ANXA8: variants seen among roughly 807,000 people sequenced by gnomAD.
ANXA8 encodes annexin A8, also known as VAC-beta.
ANXA8 carries 9 observed loss-of-function variants against 26.8 expected under a neutral mutation model. The ratio of observed to expected loss-of-function variants is 0.34; its 90% CI spans 0.20 to 0.59. The LOEUF (loss-of-function observed/expected upper bound fraction) is 0.59. Ranked by LOEUF, ANXA8 falls within the 20% of genes least tolerant of loss-of-function variation. The probability of loss-of-function intolerance (pLI) is 0.84; values close to 1 mark genes in which losing one functional copy is unlikely to be tolerated. For missense variants in ANXA8, 83 were observed against 238.5 expected (o/e 0.35, Z 4.29); for synonymous variants, 39 against 94.8 (o/e 0.41, Z 3.42).
At chr10:47,631,701 C>G in the ANXA8 span, among the ~76,000 whole-genome samples, 5 of 146,842 alleles carry the variant, frequency 3.4e-5, no homozygotes, top group African/African-American at 1.4e-4. Flanking sequence ...TGAATTGATA[C>G]TGATCTTAGT....
chr10:47,766,110 C>T, the ANXA8 span, among the ~76,000 whole-genome samples: 3 of 143,096 alleles, frequency 2.1e-5, no homozygotes, highest in Non-Finnish European at 3.0e-5. Flanking sequence ...TCCATGAAGG[C>T]AGGGGGCCGT....
At chr10:47,585,263 C>CAAAAAAA in the ANXA8 span, among the ~76,000 whole-genome samples, 20 of 43,594 alleles carry the variant, frequency 4.6e-4, no homozygotes, top group African/African-American at 7.9e-4. Context: ...GACTCCATCT[C>CAAAAAAA]AAAAAAAAAA....
At chr10:47,665,169 T>TAA in the ANXA8 span, among the ~76,000 whole-genome samples, 25 of 147,332 alleles carry the variant, frequency 1.7e-4, no homozygotes, top group African/African-American at 6.6e-4. Context: ...AACTGCAAAT[T>TAA]AAAAAAAAAA....
chr10:47,498,305 A>G, the ANXA8 span, among the ~76,000 whole-genome samples: 1 of 147,012 alleles, frequency 6.8e-6, no homozygotes. Context: ...CTCAATGTTC[A>G]TCCATGTTGT....
At chr10:47,674,714 CATTT>C in the ANXA8 span, among the ~76,000 whole-genome samples, 1 of 151,862 alleles carries the variant, frequency 6.6e-6, no homozygotes, top group South Asian at 2.1e-4. Context: ...TCTTCTTCCT[CATTT>C]ATTTATCCAT....
the ANXA8 span, among the ~76,000 whole-genome samples, chr10:47,718,016 A>G: frequency 6.8e-6 from 1 of 147,818 alleles, no homozygotes. Flanking sequence ...AAAAAAAAAA[A>G]AAAAGACTTT....
the ANXA8 span, among the ~76,000 whole-genome samples, chr10:47,671,305 C>T: frequency 6.6e-6 from 1 of 151,644 alleles, no homozygotes; most frequent in Non-Finnish European, 1.5e-5. Flanking sequence ...GCCTGTAGTC[C>T]TAGCTACTTG....
At chr10:47,633,670 T>C in the ANXA8 span, among the ~76,000 whole-genome samples, 1 of 123,444 alleles carries the variant, frequency 8.1e-6, no homozygotes, top group Non-Finnish European at 1.6e-5. Context: ...CCAGATATTA[T>C]AGTCCTAAAT....
chr10:47,474,995 C>T lies in ANXA8; in HGVS notation c.502G>A (p.Asp168Asn), dbSNP rs1839470063. The T allele has an allele frequency of 3.5e-5, 54 of 1,531,672 alleles. 7 individuals carry two copies. The South Asian group carries it at 3.9e-4, about 11-fold the overall frequency. 94.9% of individuals were successfully genotyped at this position (1,531,672 alleles called of 1,614,324 possible). Residue 168 changes from aspartate to asparagine, a missense_variant, in exon 7 of 12, where the codon GAT (aspartate) becomes AAT (asparagine). Around this residue, in one of 6 missense-constraint regions of ANXA8, gnomAD observed 24 missense variants for 30.6 expected, o/e 0.78. Coordinates refer to ENST00000585281, the MANE Select transcript of ANXA8 (RefSeq NM_001040084.3). ...ILVCLLQGSR[D>N]DVSSFVDPGL... is the part of the protein sequence containing the mutation. The stretch of plus-strand genomic sequence containing the variant: ...GGGTCCACAAAGCTGCTCACATCAT[C>T]CCTGCTGCCCTAGGAACAGAGGAGG...
chr10:47,565,130 G>A, the ANXA8 span: 5 of 750,806 alleles, frequency 6.7e-6, no homozygotes, highest in South Asian at 7.0e-5. Context: ...CAACTTCCTG[G>A]GCCAGCTGCT....
the ANXA8 span, among the ~76,000 whole-genome samples, chr10:47,942,294 C>A: frequency 1.4e-5 from 2 of 145,878 alleles, no homozygotes; most frequent in African/African-American, 5.4e-5. Context: ...TGTAAGAGAG[C>A]TACCCAAAAC....
At chr10:47,694,391 A>G in the ANXA8 span, among the ~76,000 whole-genome samples, 7 of 146,614 alleles carry the variant, frequency 4.8e-5, no homozygotes, top group South Asian at 8.7e-4. Context: ...CTACCTATTG[A>G]TATATACCCC....
chr10:47,977,274 CAG>C, the ANXA8 span, among the ~76,000 whole-genome samples: 1 of 144,852 alleles, frequency 6.9e-6, no homozygotes, highest in Admixed American at 7.1e-5. Flanking sequence ...ATTCACGAAA[CAG>C]AGAAACAGCA....
chr10:47,637,298 C>T, the ANXA8 span, among the ~76,000 whole-genome samples: 4 of 146,654 alleles, frequency 2.7e-5, no homozygotes, highest in South Asian at 8.4e-4. Flanking sequence ...TCCTAGAAAA[C>T]ATTTGCAGCA....
chr10:47,556,234 C>T, the ANXA8 span, among the ~76,000 whole-genome samples: 1 of 152,028 alleles, frequency 6.6e-6, no homozygotes. Flanking sequence ...AGTCCTTCTG[C>T]CTGTCCATGC....
chr10:47,554,098 T>C, the ANXA8 span, among the ~76,000 whole-genome samples: 2 of 117,682 alleles, frequency 1.7e-5, no homozygotes, highest in African/African-American at 6.5e-5. Flanking sequence ...ATAGGGAGGC[T>C]ACATCTCTCA....
upstream of ANXA8, among the ~76,000 whole-genome samples, chr10:47,485,825 T>C (rs1429103322): frequency 2.0e-5 from 3 of 151,848 alleles, no homozygotes; most frequent in Non-Finnish European, 4.4e-5. Flanking sequence ...ATAAATATTC[T>C]GGGCCAGGTG....
the ANXA8 span, among the ~76,000 whole-genome samples, chr10:47,973,970 G>A: frequency 3.3e-5 from 5 of 150,966 alleles, no homozygotes; most frequent in African/African-American, 1.2e-4. Flanking sequence ...TCTAGTCAGG[G>A]TATCAGTCTC....
chr10:47,894,550 A>AC, the ANXA8 span, among the ~76,000 whole-genome samples: 2 of 142,018 alleles, frequency 1.4e-5, no homozygotes, highest in Non-Finnish European at 3.1e-5. Flanking sequence ...CACAGAATAT[A>AC]CCCCCCTCAC....
Sources: allele counts gnomAD v4.1 joint callset (sites outside exome capture counted in the v4.1 genomes callset), GRCh38; gene constraint gnomAD v4.1.1; regional missense constraint gnomAD v4.1.1; transcripts MANE v1.5; gene names NCBI Gene and HGNC (gene_info 2026-07-23, HGNC 2026-07-21).